The following CENPW variants were observed in gnomAD, a reference collection of about 807,000 sequenced individuals.
CENPW encodes centromere protein W, also known as cancer-up-regulated gene 2 protein.
In CENPW, 3 loss-of-function variants were observed where a neutral mutation model predicts 11.1. The ratio of observed to expected loss-of-function variants is 0.27; its 90% CI spans 0.12 to 0.70. The LOEUF is 0.70. CENPW is among the 30% of genes least tolerant of loss of function. The pLI is 0.77. For synonymous variants in CENPW, 38 were observed against 42.0 expected (o/e 0.91, Z 0.37); for missense variants, 100 against 105.6 (o/e 0.95, Z 0.23).
At chr6:126,475,351 C>T in the CENPW span, among the ~76,000 whole-genome samples, 1 of 151,954 alleles carries the variant, frequency 6.6e-6, no homozygotes, top group East Asian at 1.9e-4. Context: ...CATGATTTCA[C>T]ATTTCATGAC....
At chr6:126,364,605 G>A in the CENPW span, among the ~76,000 whole-genome samples, 3 of 151,960 alleles carry the variant, frequency 2.0e-5, no homozygotes, top group Non-Finnish European at 4.4e-5. Context: ...TCCATTTCTG[G>A]TGTTATCCCT....
the CENPW span, among the ~76,000 whole-genome samples, chr6:126,476,945 G>T: frequency 6.6e-6 from 1 of 151,900 alleles, no homozygotes; most frequent in Non-Finnish European, 1.5e-5. Context: ...CAGTTTAAAT[G>T]GGTGACTGTT....
chr6:126,366,805 A>G, the CENPW span, among the ~76,000 whole-genome samples: 1 of 152,156 alleles, frequency 6.6e-6, no homozygotes, highest in Non-Finnish European at 1.5e-5. Context: ...TATTTATTAC[A>G]GTTCTGGAGG....
the CENPW span, among the ~76,000 whole-genome samples, chr6:126,454,348 A>G: frequency 6.6e-6 from 1 of 151,292 alleles, no homozygotes; most frequent in African/African-American, 2.4e-5. Flanking sequence ...AAATTCAAAA[A>G]CACTGAAATC....
the CENPW span, among the ~76,000 whole-genome samples, chr6:126,384,643 A>G: frequency 1.3e-5 from 2 of 152,188 alleles, no homozygotes; most frequent in East Asian, 3.8e-4. Context: ...TAAATTCTTA[A>G]ATGTAAAACT....
At chr6:126,382,222 C>T in the CENPW span, among the ~76,000 whole-genome samples, 9 of 151,144 alleles carry the variant, frequency 6.0e-5, no homozygotes, top group Admixed American at 2.6e-4. Context: ...GGGTGACGAG[C>T]GAAAATCCAT....
chr6:126,405,359 C>CAGA, the CENPW span, among the ~76,000 whole-genome samples: 1 of 151,836 alleles, frequency 6.6e-6, no homozygotes, highest in Non-Finnish European at 1.5e-5. Context: ...GTCTTATTGG[C>CAGA]CTATGTTTCT....
chr6:126,426,481 CT>C, the CENPW span, among the ~76,000 whole-genome samples: 318 of 152,046 alleles, frequency 2.1e-3, 1 homozygote, highest in African/African-American at 7.5e-3. Flanking sequence ...AATATGGTAT[CT>C]TTTTTTAGCT....
the CENPW span, among the ~76,000 whole-genome samples, chr6:126,416,530 AG>A: frequency 6.6e-6 from 1 of 152,154 alleles, no homozygotes; most frequent in Non-Finnish European, 1.5e-5. Context: ...TCCCATCACA[AG>A]CCCAGGGTCC....
the CENPW span, among the ~76,000 whole-genome samples, chr6:126,449,320 A>T: frequency 3.3e-5 from 5 of 151,010 alleles, no homozygotes; most frequent in Non-Finnish European, 5.9e-5. Flanking sequence ...TTCCCACTAA[A>T]TTTTTAGCCT....
At chr6:126,359,369 G>A in the CENPW span, among the ~76,000 whole-genome samples, 2 of 151,588 alleles carry the variant, frequency 1.3e-5, no homozygotes, top group African/African-American at 4.8e-5. Flanking sequence ...AATATGTTCT[G>A]TGTGCAGATG....
the CENPW span, among the ~76,000 whole-genome samples, chr6:126,357,950 C>T: frequency 6.6e-6 from 1 of 152,178 alleles, no homozygotes; most frequent in African/African-American, 2.4e-5. Flanking sequence ...TAGCTGTATT[C>T]CTAGGTATTA....
chr6:126,392,985 G>T, the CENPW span, among the ~76,000 whole-genome samples: 8 of 151,818 alleles, frequency 5.3e-5, no homozygotes, highest in African/African-American at 1.9e-4. Flanking sequence ...CTATTAGTCT[G>T]CTCAGGTTTT....
At chr6:126,463,194 A>G in the CENPW span, among the ~76,000 whole-genome samples, 1 of 151,990 alleles carries the variant, frequency 6.6e-6, no homozygotes, top group Non-Finnish European at 1.5e-5. Context: ...TCTATGTGGG[A>G]GTGCACACAC....
At chr6:126,377,588 T>G in the CENPW span, among the ~76,000 whole-genome samples, 3 of 152,176 alleles carry the variant, frequency 2.0e-5, no homozygotes, top group East Asian at 5.8e-4. Flanking sequence ...TTTTAGCCAG[T>G]GTGAGTCTGT....
the CENPW span, among the ~76,000 whole-genome samples, chr6:126,440,047 G>A: frequency 1.3e-5 from 2 of 151,582 alleles, no homozygotes; most frequent in Non-Finnish European, 3.0e-5. Flanking sequence ...ACTTTGATGA[G>A]CAGATGCATT....
intron 1 of CENPW, among the ~76,000 whole-genome samples, chr6:126,342,331 A>G (rs561078024): frequency 2.6e-5 from 4 of 152,306 alleles, no homozygotes; most frequent in African/African-American, 9.6e-5. Context: ...AAAGTTTTCT[A>G]TAGTTAAAGC....
chr6:126,435,618 C>A, the CENPW span, among the ~76,000 whole-genome samples: 177 of 151,942 alleles, frequency 1.2e-3, no homozygotes, highest in African/African-American at 3.8e-3. Flanking sequence ...AATTTAGCAT[C>A]TTTGTAAATC....
At chr6:126,402,939 C>T in the CENPW span, among the ~76,000 whole-genome samples, 2 of 151,922 alleles carry the variant, frequency 1.3e-5, no homozygotes, top group Admixed American at 1.3e-4. Context: ...CTATCAATGC[C>T]ATTTTTTCAA....
Sources: gnomAD v4.1 joint callset for allele counts (sites outside exome capture counted in the v4.1 genomes callset) on GRCh38, gnomAD v4.1.1 for gene constraint, MANE v1.5 for transcripts, NCBI Gene and HGNC (gene_info 2026-07-23, HGNC 2026-07-21) for gene names.